The following EPN2 variants were observed in gnomAD, a reference collection of about 807,000 sequenced individuals.
EPN2 encodes the protein epsin 2.
EPN2 carries 34 observed loss-of-function variants against 61.7 expected under a neutral mutation model. The ratio of observed to expected loss-of-function variants is 0.55; its 90% CI spans 0.42 to 0.73. EPN2 has a LOEUF of 0.73. EPN2 is among the 30% of genes least tolerant of loss of function. EPN2 has a pLI of 0.00. For missense variants in EPN2, 714 were observed against 839.2 expected (o/e 0.85, Z 1.84); for synonymous variants, 349 against 353.6 (o/e 0.99, Z 0.15).
At position 19,277,929 on chromosome 17, in the gene EPN2, T is replaced by C. The variant is rs112593399; in HGVS notation, c.-293-4026T>C. 7.3e-3 allele frequency among the ~76,000 whole-genome samples: 1,115 copies of C among 151,984 alleles called. 20 individuals are homozygous for C. Among genetic ancestry groups the C allele is most frequent in the African/African-American group, 0.026 (1,069 of 41,458 alleles). ...CCACTAAAAATACAAAAAAATTAGC[T>C]GGGCGTGGTGGTGGGTGCCTGTAGT... On this transcript the variant is annotated intron_variant, in intron 1 of 10. Transcript: ENST00000314728.
At chr17:19,299,072 C>G (rs558513973) in intron 4 of EPN2, among the ~76,000 whole-genome samples, 198 of 152,228 alleles carry the variant, frequency 1.3e-3, no homozygotes, top group African/African-American at 4.6e-3. Context: ...CAGACTGTTT[C>G]CAAACAAATG....
In EPN2 at chr17:19,304,772, C is replaced by T. The variant is rs931571096; in HGVS notation, c.767-5113C>T. On this transcript the variant is annotated intron_variant, in intron 4 of 10. Transcript: ENST00000314728. Reference sequence around the variant, plus strand: ...CACATGGACTCCCACTGCTTGTCAGCGGTGGGGACAAGATTTGTCCGTCCA... The same window carrying T: ...CACATGGACTCCCACTGCTTGTCAGTGGTGGGGACAAGATTTGTCCGTCCA... 7.9e-5 allele frequency among the ~76,000 whole-genome samples: 12 copies of T among 152,198 alleles called. 1 individual carries two copies. Among genetic ancestry groups the T allele is most frequent in the Non-Finnish European group, 1.2e-4 (8 of 68,022 alleles).
chr17:19,327,134 T>C (rs531449693), intron 7 of EPN2, among the ~76,000 whole-genome samples: 3 of 152,268 alleles, frequency 2.0e-5, no homozygotes, highest in East Asian at 1.9e-4. Flanking sequence ...GAAATAGTTG[T>C]AGCATTCCTT....
At chr17:19,293,906 G>C (rs1405891182) in intron 4 of EPN2, among the ~76,000 whole-genome samples, 2 of 151,408 alleles carry the variant, frequency 1.3e-5, no homozygotes, top group Non-Finnish European at 2.9e-5. Context: ...TGACCAACAT[G>C]GTGAAACCCC....
At position 19,277,420 on chromosome 17, in the gene EPN2, AAGAG is replaced by A. The variant is rs1056379789; in HGVS notation, c.-293-4531_-293-4528del. 7.5e-4 allele frequency among the ~76,000 whole-genome samples: 113 copies of A among 150,626 alleles called. 2 individuals carry two copies. Among genetic ancestry groups the A allele is most frequent in the Non-Finnish European group, 2.2e-4 (15 of 67,800 alleles). ...TGTCTCAAAAAAAAAAAAAAAAAAA[AAGAG>A]AGAAATAACAGGATTTGCCGTGGAG... On this transcript the variant is annotated intron_variant, in intron 1 of 10. Transcript: ENST00000314728.
chr17:19,290,038 C>T (rs2045447456), intron 4 of EPN2, among the ~76,000 whole-genome samples: 1 of 152,110 alleles, frequency 6.6e-6, no homozygotes, highest in Admixed American at 6.5e-5. Context: ...CTCATGTTTA[C>T]TTGGTGGTCT....
At chr17:19,238,071 G>A (rs1254213927) in intron 1 of EPN2, among the ~76,000 whole-genome samples, 1 of 151,992 alleles carries the variant, frequency 6.6e-6, no homozygotes, top group Non-Finnish European at 1.5e-5. Flanking sequence ...TTTCCTGGGG[G>A]CTGTAGCAGG....
intron 4 of EPN2, among the ~76,000 whole-genome samples, chr17:19,289,326 C>T (rs548372450): frequency 9.2e-5 from 14 of 152,108 alleles, no homozygotes; most frequent in Non-Finnish European, 1.8e-4. Flanking sequence ...CCCCGTGATC[C>T]GCCCACCTTG....
intron 1 of EPN2, among the ~76,000 whole-genome samples, chr17:19,241,307 G>A (rs952496012): frequency 5.9e-5 from 9 of 152,144 alleles, no homozygotes; most frequent in African/African-American, 1.9e-4. Flanking sequence ...CAAACTTGCC[G>A]GGCATGGTGG....
At chr17:19,238,233 T>C (rs1480328357) in intron 1 of EPN2, among the ~76,000 whole-genome samples, 1 of 152,224 alleles carries the variant, frequency 6.6e-6, no homozygotes, top group Non-Finnish European at 1.5e-5. Context: ...CCTGCTCGGC[T>C]GATCCGGGTG....
At chr17:19,315,161 A>G (rs554882530) in intron 7 of EPN2, among the ~76,000 whole-genome samples, 20 of 152,350 alleles carry the variant, frequency 1.3e-4, no homozygotes, top group African/African-American at 4.8e-4. Context: ...AGGAGAGACA[A>G]AAATCTCAAA....
At chr17:19,332,664 C>T (rs1256010861) in intron 10 of EPN2, among the ~76,000 whole-genome samples, 1 of 152,206 alleles carries the variant, frequency 6.6e-6, no homozygotes, top group Non-Finnish European at 1.5e-5. Flanking sequence ...CCTTGGCGCC[C>T]CTCAGCCTGT....
At chr17:19,303,455 A>T (rs1299649085) in intron 4 of EPN2, among the ~76,000 whole-genome samples, 1 of 152,116 alleles carries the variant, frequency 6.6e-6, no homozygotes, top group Non-Finnish European at 1.5e-5. Context: ...TTCCTTCGGG[A>T]TGTCTGTCCC....
At chr17:19,237,773 C>T (rs1240105612) in intron 1 of EPN2, among the ~76,000 whole-genome samples, 1 of 152,102 alleles carries the variant, frequency 6.6e-6, no homozygotes, top group Non-Finnish European at 1.5e-5. Context: ...TCCAGCTTTC[C>T]GCTGCAAGGA....
At chr17:19,243,493 C>T (rs1200666031) in intron 1 of EPN2, among the ~76,000 whole-genome samples, 6 of 148,200 alleles carry the variant, frequency 4.0e-5, no homozygotes, top group Non-Finnish European at 7.4e-5. Context: ...CCCGGGTTCA[C>T]GCCATTCTCC....
At chr17:19,327,154 A>C (rs1484208153) in intron 7 of EPN2, among the ~76,000 whole-genome samples, 1 of 152,208 alleles carries the variant, frequency 6.6e-6, no homozygotes, top group Non-Finnish European at 1.5e-5. Flanking sequence ...TGGTGAAGGC[A>C]GAGGTACCCA....
intron 1 of EPN2, among the ~76,000 whole-genome samples, chr17:19,277,910 A>C (rs2045323780): frequency 6.6e-6 from 1 of 152,020 alleles, no homozygotes; most frequent in Non-Finnish European, 1.5e-5. Context: ...GTCTCCACTA[A>C]AAATACAAAA....
chr17:19,246,343 G>A (rs1046377151), intron 1 of EPN2, among the ~76,000 whole-genome samples: 2 of 152,126 alleles, frequency 1.3e-5, no homozygotes, highest in Non-Finnish European at 2.9e-5. Flanking sequence ...GCGACAGAGC[G>A]AGACTGTCTC....
In EPN2 at chr17:19,327,506, G is replaced by A. The variant is rs553638119; in HGVS notation, c.1148-1205G>A. Among the ~76,000 whole-genome samples, 8 of 151,982 alleles carry A rather than the reference G, an allele frequency of 5.3e-5. No homozygotes were observed. The South Asian group carries it at 1.0e-3, about 20-fold the overall frequency. On this transcript the variant is annotated intron_variant, in intron 7 of 10. Coordinates refer to ENST00000314728, the MANE Select transcript of EPN2 (RefSeq NM_014964.5). ...GGGCAACACGGTGAGACCCCATCTC[G>A]ACGAAAATTAGAAAAAAAATTAGCC...
Sources: allele counts gnomAD v4.1 joint callset (sites outside exome capture counted in the v4.1 genomes callset), GRCh38; gene constraint gnomAD v4.1.1; transcripts MANE v1.5; gene names NCBI Gene and HGNC (gene_info 2026-07-23, HGNC 2026-07-21).